The following ABL1 variants were observed in gnomAD, a reference collection of about 807,000 sequenced individuals.
ABL1 encodes the protein tyrosine-protein kinase ABL1.
In ABL1, 11 loss-of-function variants were observed where a neutral mutation model predicts 94.7. That is an observed-to-expected ratio of 0.12 (90% CI 0.07 to 0.19). The LOEUF (loss-of-function observed/expected upper bound fraction) is 0.19. Among genes scored for constraint, ABL1 ranks in the 10% least tolerant of loss-of-function variants. The probability of loss-of-function intolerance (pLI) is 1.00; values close to 1 mark genes in which losing one functional copy is unlikely to be tolerated. For synonymous variants in ABL1, 656 were observed against 622.4 expected (o/e 1.05, Z -0.80); for missense variants, 1,082 against 1,489.4 (o/e 0.73, Z 4.50).
intron 1 of ABL1, among the ~76,000 whole-genome samples, chr9:130,742,084 T>C (rs1831827374): frequency 6.6e-6 from 1 of 152,156 alleles, no homozygotes; most frequent in Non-Finnish European, 1.5e-5. Context: ...TCCTTTGTTG[T>C]GGTGCGAGGC....
At chr9:130,870,898 T>C (rs1365751542) in intron 4 of ABL1, among the ~76,000 whole-genome samples, 1 of 152,070 alleles carries the variant, frequency 6.6e-6, no homozygotes, top group Non-Finnish European at 1.5e-5. Flanking sequence ...AGGCTGTAAG[T>C]AAAGGTTGGC....
intron 1 of ABL1, among the ~76,000 whole-genome samples, chr9:130,818,063 G>GTTCACACCATATGTA (rs1830312930): frequency 3.3e-5 from 5 of 152,304 alleles, no homozygotes; most frequent in Middle Eastern, 3.4e-3. Context: ...ACTACCAGCA[G>GTTCACACCATATGTA]TTCACACCAT....
In ABL1 at chr9:130,764,953, CAAA is replaced by C. The variant is rs796266543; in HGVS notation, c.136+50511_136+50513del. 3.1e-4 allele frequency among the ~76,000 whole-genome samples: 33 copies of C among 105,132 alleles called. 1 individual carries two copies. In the East Asian group the frequency reaches 4.9e-3, roughly 16 times the overall value. The allele number at this position is 105,132 out of a possible 152,430, so 69.0% of individuals were successfully genotyped here. ...TCTGGGTGACAGAGCAAGACTGTCTCAAAAAAAAAAAAAAAGAGGATACAAGGG... is the reference window on the plus strand; with the variant it reads ...TCTGGGTGACAGAGCAAGACTGTCTCAAAAAAAAAAAAGAGGATACAAGGG... On this transcript the variant is annotated intron_variant, in intron 1 of 10. Transcript: ENST00000372348.
Position 130,872,240 on chromosome 9 carries a change from A to G in ABL1, c.907+27A>G, listed in dbSNP as rs777590534. The G allele has an allele frequency of 2.5e-6, 4 of 1,604,848 alleles. No individual in the cohort carries two copies. Among genetic ancestry groups the G allele is most frequent in the Non-Finnish European group, 8.5e-7 (1 of 1,173,008 alleles). Reference sequence around the variant, plus strand: ...TGAGTAAGCCCGGGGCTCTGAAGAGAGGGTCTCGCGCCGCACCCCCAGGGT... The same window carrying G: ...TGAGTAAGCCCGGGGCTCTGAAGAGGGGGTCTCGCGCCGCACCCCCAGGGT... On this transcript the variant is annotated intron_variant, in intron 5 of 10. Coordinates refer to ENST00000318560, the MANE Select transcript of ABL1 (RefSeq NM_005157.6). This position sits in a 1 kb window ranked among gnomAD's most constrained non-coding sequence, Gnocchi z 5.0.
exon 1 of ABL1, among the ~76,000 whole-genome samples, chr9:130,713,263 C>A (rs1020813239): frequency 3.3e-5 from 5 of 152,084 alleles, no homozygotes; most frequent in African/African-American, 1.2e-4. Flanking sequence ...CGGGCAGAGA[C>A]CCCCGGGCTT....
In ABL1 at chr9:130,880,291, A is replaced by T; in HGVS notation, c.1513+134A>T. The T allele has an allele frequency of 8.8e-7, 1 of 1,135,896 alleles. No homozygotes were observed. Among genetic ancestry groups the T allele is most frequent in the Non-Finnish European group, 1.3e-6 (1 of 768,206 alleles). The allele number at this position is 1,135,896 out of a possible 1,614,324, so 70.4% of individuals were successfully genotyped here. A position where few individuals can be genotyped will look rare whatever the true frequency, so the allele number is the denominator to read the frequency against. On this transcript the variant is annotated intron_variant, in intron 9 of 10. Coordinates refer to ENST00000318560, the MANE Select transcript of ABL1 (RefSeq NM_005157.6). The surrounding 1 kb of genome is among the most constrained non-coding windows in gnomAD (Gnocchi z 4.4). ...GTCCTGAGACCAGAAAGCTGGGCAG[A>T]GGTGTGGAGTATTGTGCTTTCTTGT...
intron 1 of ABL1, among the ~76,000 whole-genome samples, chr9:130,842,745 CT>C (rs1200977652): frequency 6.6e-6 from 1 of 152,168 alleles, no homozygotes; most frequent in Non-Finnish European, 1.5e-5. Context: ...AAGGGGAGGC[CT>C]TTCAGTCTGT....
intron 1 of ABL1, among the ~76,000 whole-genome samples, chr9:130,820,793 A>G (rs950312902): frequency 6.6e-6 from 1 of 152,160 alleles, no homozygotes; most frequent in Non-Finnish European, 1.5e-5. Flanking sequence ...ATCATATAAC[A>G]TATTGCTTTT....
intron 1 of ABL1, among the ~76,000 whole-genome samples, chr9:130,770,186 T>TC (rs1235803780): frequency 3.4e-5 from 5 of 146,238 alleles, no homozygotes; most frequent in African/African-American, 1.0e-4. Context: ...TCTCTCTCTC[T>TC]TTTTTTTTTA....
At chr9:130,754,885 G>A (rs1832023648) in intron 1 of ABL1, among the ~76,000 whole-genome samples, 1 of 152,138 alleles carries the variant, frequency 6.6e-6, no homozygotes, top group Non-Finnish European at 1.5e-5. Flanking sequence ...ATATTCAGGT[G>A]GGAAAGGGCA....
intron 1 of ABL1, among the ~76,000 whole-genome samples, chr9:130,848,071 T>A (rs912444728): frequency 2.6e-5 from 4 of 152,186 alleles, no homozygotes; most frequent in African/African-American, 9.7e-5. Flanking sequence ...ATTTCCTGTG[T>A]GGGCCTGGTC....
chr9:130,715,270 G>T (rs1831423183), intron 1 of ABL1, among the ~76,000 whole-genome samples: 2 of 152,296 alleles, frequency 1.3e-5, no homozygotes, highest in South Asian at 2.1e-4. Flanking sequence ...CAGTTAATTA[G>T]GGTTACTGTT....
intron 1 of ABL1, among the ~76,000 whole-genome samples, chr9:130,804,264 C>G (rs934889693): frequency 6.6e-6 from 1 of 151,012 alleles, no homozygotes; most frequent in Non-Finnish European, 1.5e-5. Context: ...GAGCCTGAGG[C>G]AGAAAAACGG....
chr9:130,783,517 T>G (rs1008227092), intron 1 of ABL1, among the ~76,000 whole-genome samples: 3 of 152,188 alleles, frequency 2.0e-5, no homozygotes, highest in Non-Finnish European at 4.4e-5. Flanking sequence ...ATTAGAAATA[T>G]TTGTTGGAAT....
chr9:130,808,247 CTT>C lies in ABL1; in HGVS notation c.137-45804_137-45803del, dbSNP rs1177878253. Reference sequence around the variant, plus strand: ...TCTTCTTCTTCTTCTTCTTCTTCTTCTTTTTTTTTTTTTTGAAATGGAGTCGT... The same window carrying C: ...TCTTCTTCTTCTTCTTCTTCTTCTTCTTTTTTTTTTTTGAAATGGAGTCGT... On this transcript the variant is annotated intron_variant, in intron 1 of 10. Coordinates refer to the ABL1 transcript ENST00000372348. Among the ~76,000 whole-genome samples the C allele has an allele frequency of 8.1e-3, 769 of 95,016 alleles. 4 individuals carry two copies. The highest frequency in any genetic ancestry group is 9.2e-3 in the Non-Finnish European group (457 of 49,750). 62.3% of individuals were successfully genotyped at this position (95,016 alleles called of 152,430 possible).
chr9:130,716,996 G>T (rs1831451367), intron 1 of ABL1, among the ~76,000 whole-genome samples: 1 of 151,748 alleles, frequency 6.6e-6, no homozygotes, highest in Non-Finnish European at 1.5e-5. Flanking sequence ...ATCTTATAAT[G>T]AAATGTATTA....
Position 130,863,143 on chromosome 9 carries a change from T to A in ABL1, c.822+108T>A. On this transcript the variant is annotated intron_variant, in intron 4 of 10. Coordinates refer to ENST00000318560, the MANE Select transcript of ABL1 (RefSeq NM_005157.6). The surrounding 1 kb of genome is among the most constrained non-coding windows in gnomAD (Gnocchi z 4.3). The stretch of plus-strand genomic sequence containing the variant: ...TACCTCCTGCCTGCTGTCCGAGGGC[T>A]TCATTGGCGCCACGGAATTGACTTT... 1 of 1,296,798 alleles carries A rather than the reference T, an allele frequency of 7.7e-7. No homozygotes were observed. The highest frequency in any genetic ancestry group is 1.5e-5 in the South Asian group (1 of 64,656). 80.3% of individuals were successfully genotyped at this position (1,296,798 alleles called of 1,614,324 possible). A position where few individuals can be genotyped will look rare whatever the true frequency, so the allele number is the denominator to read the frequency against.
intron 1 of ABL1, among the ~76,000 whole-genome samples, chr9:130,794,040 T>C (rs1373284192): frequency 6.6e-6 from 1 of 152,080 alleles, no homozygotes; most frequent in Non-Finnish European, 1.5e-5. Context: ...TACATTACAG[T>C]GGGTTGTATA....
At chr9:130,881,233 C>G (rs545816198) in intron 10 of ABL1, among the ~76,000 whole-genome samples, 16 of 152,170 alleles carry the variant, frequency 1.1e-4, no homozygotes, top group African/African-American at 3.6e-4. Context: ...ATGTAGTGTG[C>G]CTACTACAGG....
Sources: allele counts gnomAD v4.1 joint callset (sites outside exome capture counted in the v4.1 genomes callset), GRCh38; gene constraint gnomAD v4.1.1; non-coding constraint Gnocchi (gnomAD v3.1); transcripts MANE v1.5; gene names NCBI Gene and HGNC (gene_info 2026-07-23, HGNC 2026-07-21).